Variants in MCRIP1 observed in about 807,000 individuals in gnomAD.
The protein encoded by MCRIP1 is MAPK regulated corepressor interacting protein 1.
Under a neutral mutation model 14.4 loss-of-function variants are expected in MCRIP1, and 10 were observed. The observed-to-expected ratio is 0.70, with a 90% confidence interval of 0.43 to 1.18. The LOEUF (loss-of-function observed/expected upper bound fraction) is 1.18, where lower values mean the gene tolerates loss of function less well. Among genes scored for constraint, MCRIP1 ranks in the 50% most tolerant of loss-of-function variants. The pLI is 0.00. For synonymous variants in MCRIP1, 53 were observed against 55.7 expected (o/e 0.95, Z 0.21); for missense variants, 119 against 135.4 (o/e 0.88, Z 0.60).
intron 1 of MCRIP1, among the ~76,000 whole-genome samples, chr17:81,833,033 G>GC (rs1433652913): frequency 2.0e-5 from 3 of 150,940 alleles, no homozygotes; most frequent in Non-Finnish European, 4.4e-5. Flanking sequence ...GCTCCCAGGC[G>GC]CCCCGCGGGC....
chr17:81,823,805 C>A lies in MCRIP1; in HGVS notation c.128-292G>T. 1.7e-6 allele frequency: 1 copy of A among 582,456 alleles called. No homozygotes were observed. The highest frequency in any genetic ancestry group is 3.1e-6 in the Non-Finnish European group (1 of 327,444). 36.1% of individuals were successfully genotyped at this position (582,456 alleles called of 1,614,324 possible). A position where few individuals can be genotyped will look rare whatever the true frequency, so the allele number is the denominator to read the frequency against. ...TGCGCCTCGGAGGCAGCGCATCCTC[C>A]TCAGCTAGGCCTCTATCTTTCCCAC... is the stretch of plus-strand genomic sequence containing the variant. On this transcript the variant is annotated intron_variant, in intron 3 of 4. Transcript: ENST00000455127. The surrounding 1 kb of genome is among the most constrained non-coding windows in gnomAD (Gnocchi z 6.0).
intron 1 of MCRIP1, among the ~76,000 whole-genome samples, chr17:81,828,350 T>C (rs2038454065): frequency 7.3e-6 from 1 of 137,562 alleles, no homozygotes; most frequent in Admixed American, 8.1e-5. Flanking sequence ...GCTGTCCCCC[T>C]GGAAGCACAA....
intron 1 of MCRIP1, among the ~76,000 whole-genome samples, chr17:81,832,153 A>G (rs1186411027): frequency 6.6e-6 from 1 of 152,128 alleles, no homozygotes; most frequent in Non-Finnish European, 1.5e-5. Flanking sequence ...TGAGATTCAA[A>G]GTTTCTAAGA....
chr17:81,828,125 CTCT>C (rs1199684895), intron 1 of MCRIP1, among the ~76,000 whole-genome samples: 2 of 152,098 alleles, frequency 1.3e-5, no homozygotes, highest in African/African-American at 2.4e-5. Flanking sequence ...CGTTTGCCTC[CTCT>C]TGTTAGGAAA....
At position 81,823,004 on chromosome 17, in the gene MCRIP1, G is replaced by C; in HGVS notation, c.*243C>G. On this transcript the variant is annotated 3_prime_UTR_variant, in exon 5 of 5. Coordinates refer to ENST00000455127, the MANE Select transcript of MCRIP1 (RefSeq NM_207368.5). This position sits in a 1 kb window ranked among gnomAD's most constrained non-coding sequence, Gnocchi z 6.0. ...GCTTCAAAAATGCAGCCAGGTGGCTGGGGGAGGGCAGGAGGGTGGGCAGGG... is the reference window on the plus strand; with the variant it reads ...GCTTCAAAAATGCAGCCAGGTGGCTCGGGGAGGGCAGGAGGGTGGGCAGGG... 2 of 596,270 alleles carry C rather than the reference G, an allele frequency of 3.4e-6. No homozygotes were observed. The highest frequency in any genetic ancestry group is 6.0e-6 in the Non-Finnish European group (2 of 335,550). The allele number at this position is 596,270 out of a possible 1,614,324, so 36.9% of individuals were successfully genotyped here. A position where few individuals can be genotyped will look rare whatever the true frequency, so the allele number is the denominator to read the frequency against.
At chr17:81,828,281 T>G (rs1316118951) in intron 1 of MCRIP1, among the ~76,000 whole-genome samples, 3 of 42,242 alleles carry the variant, frequency 7.1e-5, no homozygotes, top group African/African-American at 2.8e-4. Flanking sequence ...CCCCCGACCC[T>G]GCACACATAG....
In MCRIP1 at chr17:81,823,679, T is replaced by TG. The variant is rs1368300613; in HGVS notation, c.128-167dup. The TG allele has an allele frequency of 7.9e-6, 5 of 633,754 alleles. No individual in the cohort carries two copies. The highest frequency in any genetic ancestry group is 1.4e-5 in the Non-Finnish European group (5 of 359,354). The allele number at this position is 633,754 out of a possible 1,614,324, so 39.3% of individuals were successfully genotyped here. A position where few individuals can be genotyped will look rare whatever the true frequency, so the allele number is the denominator to read the frequency against. On this transcript the variant is annotated intron_variant, in intron 3 of 4. Transcript: ENST00000455127. The surrounding 1 kb of genome is among the most constrained non-coding windows in gnomAD (Gnocchi z 6.0). The stretch of plus-strand genomic sequence containing the variant: ...TCTGCCCACCCCAGCCTCACTCACC[T>TG]GCAGACCCCGTCCCCGCTCCTCTGG...
chr17:81,823,008 G>T lies in MCRIP1; in HGVS notation c.*239C>A. ...CAAAAATGCAGCCAGGTGGCTGGGG[G>T]AGGGCAGGAGGGTGGGCAGGGCCCA... is the stretch of plus-strand genomic sequence containing the variant. On this transcript the variant is annotated 3_prime_UTR_variant, in exon 5 of 5. Transcript: ENST00000455127. The surrounding 1 kb of genome is among the most constrained non-coding windows in gnomAD (Gnocchi z 6.0). 1 of 596,040 alleles carries T rather than the reference G, an allele frequency of 1.7e-6. No individual in the cohort carries two copies. Among genetic ancestry groups the T allele is most frequent in the Non-Finnish European group, 3.0e-6 (1 of 335,522 alleles). The allele number at this position is 596,040 out of a possible 1,614,324, so 36.9% of individuals were successfully genotyped here. A position where few individuals can be genotyped will look rare whatever the true frequency, so the allele number is the denominator to read the frequency against.
intron 1 of MCRIP1, chr17:81,825,234 C>G: frequency 7.4e-6 from 8 of 1,085,694 alleles, no homozygotes; most frequent in Non-Finnish European, 7.9e-6. Context: ...AGACCCTGGG[C>G]TGCCGCCCGT....
intron 1 of MCRIP1, chr17:81,826,050 G>A (rs756250880): frequency 3.6e-5 from 52 of 1,440,612 alleles, no homozygotes; most frequent in South Asian, 8.5e-5. Flanking sequence ...GCCCTCTCCC[G>A]TGGCTCTTCT....
chr17:81,832,811 G>A (rs2038546788), intron 1 of MCRIP1, among the ~76,000 whole-genome samples: 1 of 152,242 alleles, frequency 6.6e-6, no homozygotes, highest in African/African-American at 2.4e-5. Flanking sequence ...AAAAGAATGC[G>A]GACGGCCGGG....
chr17:81,832,815 G>A (rs564762223), intron 1 of MCRIP1, among the ~76,000 whole-genome samples: 1 of 152,362 alleles, frequency 6.6e-6, no homozygotes, highest in East Asian at 1.9e-4. Context: ...GAATGCGGAC[G>A]GCCGGGCCCG....
At chr17:81,832,697 C>A (rs1400878951) in intron 1 of MCRIP1, among the ~76,000 whole-genome samples, 5 of 152,286 alleles carry the variant, frequency 3.3e-5, no homozygotes, top group African/African-American at 1.2e-4. Context: ...CAACCACCGC[C>A]CAGTGAGTGC....
At chr17:81,827,862 G>T (rs1301359928) in intron 1 of MCRIP1, among the ~76,000 whole-genome samples, 1 of 142,316 alleles carries the variant, frequency 7.0e-6, no homozygotes, top group Non-Finnish European at 1.5e-5. Context: ...CTCACTGCAA[G>T]CTCCGCCTCC....
intron 1 of MCRIP1, among the ~76,000 whole-genome samples, chr17:81,831,903 G>A (rs1477094833): frequency 6.6e-6 from 1 of 152,086 alleles, no homozygotes; most frequent in East Asian, 1.9e-4. Flanking sequence ...GAGGGGAGTC[G>A]CATTGGGTAG....
intron 1 of MCRIP1, chr17:81,825,188 C>G: frequency 9.5e-7 from 1 of 1,050,860 alleles, no homozygotes; most frequent in Non-Finnish European, 1.2e-6. Context: ...GAGGGGGTGG[C>G]CCTGGAGGAA....
rs1390770201 is a variant in MCRIP1, at chr17:81,824,355, C to G, written c.59G>C (p.Arg20Pro). ...GATCTCGCTGCTGCTGGGTGGGGAG[C>G]GGGGGCTGCTGGTCCTCTTGCCGTT... The part of the protein sequence containing the change: ...VYNGKRTSSP[R>P]SPPSSSEIFT... The change falls in exon 3 of 5, where the codon CGC (arginine) becomes CCC (proline). Residue 20 changes from arginine (R) to proline (P), a missense_variant. Coordinates refer to ENST00000455127, the MANE Select transcript of MCRIP1 (RefSeq NM_207368.5). 1 of 1,517,158 alleles carries G rather than the reference C, an allele frequency of 6.6e-7. No homozygotes were observed. Among genetic ancestry groups the G allele is most frequent in the Non-Finnish European group, 8.8e-7 (1 of 1,136,696 alleles). The allele number at this position is 1,517,158 out of a possible 1,614,324, so 94.0% of individuals were successfully genotyped here. A position where few individuals can be genotyped will look rare whatever the true frequency, so the allele number is the denominator to read the frequency against.
At position 81,823,955 on chromosome 17, in the gene MCRIP1, C is replaced by G. The variant is rs959075798; in HGVS notation, c.127+332G>C. ...ATGCGTGCCTGTCTGTCTTCAAAGG[C>G]CCCTCCCTTTCCCCAGCAAACTCCT... On this transcript the variant is annotated intron_variant, in intron 3 of 4. Coordinates refer to ENST00000455127, the MANE Select transcript of MCRIP1 (RefSeq NM_207368.5). This position sits in a 1 kb window ranked among gnomAD's most constrained non-coding sequence, Gnocchi z 6.0. 1 of 523,786 alleles carries G rather than the reference C, an allele frequency of 1.9e-6. No individual in the cohort carries two copies. Among genetic ancestry groups the G allele is most frequent in the Admixed American group, 3.7e-5 (1 of 26,696 alleles). The allele number at this position is 523,786 out of a possible 1,614,324, so 32.4% of individuals were successfully genotyped here. A position where few individuals can be genotyped will look rare whatever the true frequency, so the allele number is the denominator to read the frequency against.
Position 81,823,576 on chromosome 17 carries a change from G to GA in MCRIP1, c.128-64dup, listed in dbSNP as rs1026709813. On this transcript the variant is annotated intron_variant, in intron 3 of 4. Coordinates refer to ENST00000455127, the MANE Select transcript of MCRIP1 (RefSeq NM_207368.5). This position sits in a 1 kb window ranked among gnomAD's most constrained non-coding sequence, Gnocchi z 6.0. ...CCCCAGGGGGTGGCATCCACGTCAC[G>GA]AGAGTGCCTGCCCTCAGCTCCTGCC... 7.3e-6 allele frequency: 10 copies of GA among 1,363,422 alleles called. No homozygotes were observed. The African/African-American group carries it at 1.2e-4, about 16-fold the overall frequency. The allele number at this position is 1,363,422 out of a possible 1,614,324, so 84.5% of individuals were successfully genotyped here. A position where few individuals can be genotyped will look rare whatever the true frequency, so the allele number is the denominator to read the frequency against.
Sources: allele counts gnomAD v4.1 joint callset (sites outside exome capture counted in the v4.1 genomes callset), GRCh38; gene constraint gnomAD v4.1.1; non-coding constraint Gnocchi (gnomAD v3.1); transcripts MANE v1.5; gene names NCBI Gene and HGNC (gene_info 2026-07-23, HGNC 2026-07-21).